CAST: variants seen among roughly 807,000 people sequenced by gnomAD.
CAST encodes the protein calpastatin.
In CAST, 76 loss-of-function variants were observed where a neutral mutation model predicts 119.6. The ratio of observed to expected loss-of-function variants is 0.64; its 90% CI spans 0.53 to 0.77. CAST has a LOEUF of 0.77. CAST is among the 30% of genes least tolerant of loss of function. The probability of loss-of-function intolerance (pLI) is 0.00; values close to 1 mark genes in which losing one functional copy is unlikely to be tolerated. For synonymous variants in CAST, 319 were observed against 331.6 expected (o/e 0.96, Z 0.41); for missense variants, 953 against 946.5 (o/e 1.01, Z -0.09).
At chr5:96,496,103 T>C in the CAST span, among the ~76,000 whole-genome samples, 1 of 152,202 alleles carries the variant, frequency 6.6e-6, no homozygotes, top group Admixed American at 6.5e-5. Flanking sequence ...TGTAATCTTA[T>C]GTCTATAAAG....
the CAST span, among the ~76,000 whole-genome samples, chr5:96,224,161 G>T: frequency 6.6e-6 from 1 of 152,190 alleles, no homozygotes; most frequent in Admixed American, 6.5e-5. Flanking sequence ...GGATCAAAGT[G>T]ACTGAAAACT....
At chr5:96,481,528 T>C in the CAST span, among the ~76,000 whole-genome samples, 7 of 152,204 alleles carry the variant, frequency 4.6e-5, no homozygotes, top group African/African-American at 1.7e-4. Context: ...AGTGAGAATG[T>C]ATTCATTTAC....
At chr5:96,470,429 T>C in the CAST span, among the ~76,000 whole-genome samples, 1 of 151,870 alleles carries the variant, frequency 6.6e-6, no homozygotes, top group Admixed American at 6.6e-5. Flanking sequence ...GCTAAAATAA[T>C]AATATGTTAG....
chr5:95,979,776 C>G, the CAST span, among the ~76,000 whole-genome samples: 1 of 152,066 alleles, frequency 6.6e-6, no homozygotes, highest in Non-Finnish European at 1.5e-5. Flanking sequence ...ATTCCAAAGT[C>G]CCATGTTTTT....
At chr5:96,423,571 C>A in the CAST span, 1 of 961,356 alleles carries the variant, frequency 1.0e-6, no homozygotes, top group Non-Finnish European at 1.6e-6. Flanking sequence ...GGTCACTCTA[C>A]TCTTTAGAAG....
the CAST span, among the ~76,000 whole-genome samples, chr5:96,138,826 G>T: frequency 1.3e-5 from 2 of 151,828 alleles, no homozygotes; most frequent in East Asian, 3.8e-4. Flanking sequence ...TGTTGTTATT[G>T]TTGTTTCTTT....
chr5:96,265,220 G>A, the CAST span, among the ~76,000 whole-genome samples: 1 of 152,214 alleles, frequency 6.6e-6, no homozygotes, highest in Admixed American at 6.5e-5. Flanking sequence ...ATAAGTGGGT[G>A]TGTTAGTCAG....
At chr5:96,182,210 T>C in the CAST span, among the ~76,000 whole-genome samples, 77 of 152,352 alleles carry the variant, frequency 5.1e-4, no homozygotes, top group Admixed American at 8.5e-4. Flanking sequence ...GGGTTAGAAG[T>C]TGCTTCCAGA....
At chr5:96,445,791 G>A in the CAST span, among the ~76,000 whole-genome samples, 8 of 152,200 alleles carry the variant, frequency 5.3e-5, no homozygotes, top group Admixed American at 2.0e-4. Flanking sequence ...CCCATGGTAC[G>A]TGTGAATCTG....
At chr5:96,209,823 G>A in the CAST span, among the ~76,000 whole-genome samples, 12 of 151,684 alleles carry the variant, frequency 7.9e-5, no homozygotes, top group Non-Finnish European at 1.8e-4. Context: ...TGGTTGTCTT[G>A]TACAGTATCT....
the CAST span, among the ~76,000 whole-genome samples, chr5:96,259,586 C>CT: frequency 6.6e-6 from 1 of 152,168 alleles, no homozygotes; most frequent in Admixed American, 6.5e-5. Context: ...GGTCATGCCA[C>CT]TTATACCTCC....
At chr5:96,346,109 C>T in the CAST span, among the ~76,000 whole-genome samples, 1 of 152,126 alleles carries the variant, frequency 6.6e-6, no homozygotes, top group East Asian at 1.9e-4. Flanking sequence ...GGCTAACATC[C>T]TCCGATTGCA....
the CAST span, among the ~76,000 whole-genome samples, chr5:96,045,227 C>T: frequency 6.6e-6 from 1 of 152,074 alleles, no homozygotes; most frequent in African/African-American, 2.4e-5. Context: ...GCGGCAGGCG[C>T]CTGTAATACC....
chr5:96,344,742 C>T, the CAST span, among the ~76,000 whole-genome samples: 2 of 152,074 alleles, frequency 1.3e-5, no homozygotes, highest in Admixed American at 1.3e-4. Context: ...TAATACCTAC[C>T]AGGTGGATGG....
At chr5:96,245,411 C>T in the CAST span, among the ~76,000 whole-genome samples, 3 of 152,192 alleles carry the variant, frequency 2.0e-5, no homozygotes, top group Non-Finnish European at 4.4e-5. Flanking sequence ...ACTGTTCTAA[C>T]ACTCATAACA....
At chr5:96,721,685 G>C (rs1016784132) in intron 3 of CAST, among the ~76,000 whole-genome samples, 2 of 152,212 alleles carry the variant, frequency 1.3e-5, no homozygotes, top group African/African-American at 4.8e-5. Context: ...AAGTGTTAAG[G>C]AGGTTTAAAT....
the CAST span, among the ~76,000 whole-genome samples, chr5:96,377,032 A>G: frequency 2.6e-5 from 4 of 152,164 alleles, no homozygotes; most frequent in African/African-American, 4.8e-5. Flanking sequence ...CAAAATAAAT[A>G]AAATAGATAA....
chr5:96,357,243 G>A, the CAST span, among the ~76,000 whole-genome samples: 1 of 152,138 alleles, frequency 6.6e-6, no homozygotes, highest in Admixed American at 6.5e-5. Flanking sequence ...TGAGACAATG[G>A]GGTTTTCTAA....
At chr5:96,036,001 C>T in the CAST span, among the ~76,000 whole-genome samples, 1 of 151,466 alleles carries the variant, frequency 6.6e-6, no homozygotes, top group East Asian at 1.9e-4. Flanking sequence ...AAATGCCTAC[C>T]ATGTCTGGGC....
Sources: allele counts gnomAD v4.1 joint callset (sites outside exome capture counted in the v4.1 genomes callset), GRCh38; gene constraint gnomAD v4.1.1; transcripts MANE v1.5; gene names NCBI Gene and HGNC (gene_info 2026-07-23, HGNC 2026-07-21).